The following VPS13D variants were observed in gnomAD, a reference collection of about 807,000 sequenced individuals.
The protein encoded by VPS13D is intermembrane lipid transfer protein VPS13D.
In VPS13D, 187 loss-of-function variants were observed where a neutral mutation model predicts 461.9. The ratio of observed to expected loss-of-function variants is 0.40; its 90% CI spans 0.36 to 0.46. The LOEUF (loss-of-function observed/expected upper bound fraction) is 0.46, where lower values mean the gene tolerates loss of function less well. Among genes scored for constraint, VPS13D ranks in the 20% least tolerant of loss-of-function variants. The pLI, the probability that VPS13D is intolerant of heterozygous loss-of-function variation, is 0.60. For missense variants in VPS13D, 4,711 were observed against 5,364.9 expected, an observed-to-expected ratio of 0.88 and a Z score of 3.81; for synonymous variants, 1,951 against 1,986.3, an observed-to-expected ratio of 0.98 and a Z score of 0.47.
intron 57 of VPS13D, 47 bp from the exon 58 acceptor site, chr1:12,382,929 C>A: frequency 6.4e-7 from 1 of 1,555,756 alleles, no homozygotes; most frequent in South Asian, 1.2e-5. Flanking sequence ...TTGTCAAAGT[C>A]AGTGCCTCTG....
chr1:12,420,090 A>T (rs1370463103), intron 65 of VPS13D, among the ~76,000 whole-genome samples: 1 of 152,222 alleles, frequency 6.6e-6, no homozygotes, highest in East Asian at 1.9e-4. Flanking sequence ...GTTTATAGAG[A>T]TGTAAAAACT....
At chr1:12,255,015 G>C (rs968264599) in intron 7 of VPS13D, among the ~76,000 whole-genome samples, 1 of 151,024 alleles carries the variant, frequency 6.6e-6, no homozygotes, top group African/African-American at 2.4e-5. Context: ...GCACGATCTT[G>C]GCTCACTGCA....
intron 65 of VPS13D, among the ~76,000 whole-genome samples, chr1:12,434,658 G>A (rs530104668): frequency 1.3e-5 from 2 of 151,988 alleles, no homozygotes; most frequent in African/African-American, 2.4e-5. Flanking sequence ...TAAATCTGTG[G>A]TATTTTCTTA....
intron 65 of VPS13D, among the ~76,000 whole-genome samples, chr1:12,449,148 G>A (rs928685214): frequency 2.0e-5 from 3 of 151,102 alleles, no homozygotes; most frequent in Admixed American, 1.3e-4. Context: ...AAAAAAAAAA[G>A]CAAGGTCATT....
chr1:12,261,030 A>G lies in VPS13D; in HGVS notation c.1295A>G (p.Tyr432Cys). Reference sequence around the variant, plus strand: ...GGTGGAGGCAGTGGGATGCTGCAGTATCTCCAGTCCTGGTTTCCTGGATGG... The same window carrying G: ...GGTGGAGGCAGTGGGATGCTGCAGTGTCTCCAGTCCTGGTTTCCTGGATGG... ...EPGGGSGMLQ[Y>C]LQSWFPGWGG... Residue 432 changes from tyrosine to cysteine, a missense_variant, in exon 12 of 70, where the codon TAT becomes TGT. By Grantham distance (194) the Tyr-to-Cys change is radical. Coordinates refer to ENST00000620676, the MANE Select transcript of VPS13D (RefSeq NM_015378.4). 1 of 1,614,080 alleles carries G rather than the reference A, an allele frequency of 6.2e-7. No homozygotes were observed. Among genetic ancestry groups the G allele is most frequent in the Non-Finnish European group, 8.5e-7 (1 of 1,180,012 alleles).
Position 12,308,511 on chromosome 1 carries a change from G to A in VPS13D, c.6520G>A (p.Glu2174Lys). The A allele has an allele frequency of 1.9e-6, 3 of 1,614,124 alleles. No individual in the cohort carries two copies. The highest frequency in any genetic ancestry group is 2.2e-5 in the South Asian group (2 of 91,084). Residue 2174 changes from glutamate (E) to lysine (K), a missense_variant, in exon 27 of 70, where the codon GAA (glutamate) becomes AAA (lysine). Around this residue, in one of 3 missense-constraint regions of VPS13D, gnomAD observed 4,411 missense variants for 4,937.8 expected, o/e 0.89. Transcript: ENST00000620676. ...CTTTGCTGCAGAGAGACATCCGAGA[G>A]AATACTCGAAGGCACCAGAGGATAG... ...DIFAAERHPR[E>K]YSKAPEDSSG...
intron 67 of VPS13D, 38 bp downstream of exon 67, chr1:12,460,434 G>C: frequency 6.6e-7 from 1 of 1,507,676 alleles, no homozygotes; most frequent in Non-Finnish European, 8.9e-7. Flanking sequence ...GCAGTTTCCA[G>C]CCTAGGTCTG....
intron 65 of VPS13D, among the ~76,000 whole-genome samples, chr1:12,436,193 G>A (rs1316435590): frequency 1.3e-5 from 2 of 152,250 alleles, no homozygotes; most frequent in Non-Finnish European, 2.9e-5. Context: ...GTGGGAAAGT[G>A]TTCCAGGTTT....
intron 65 of VPS13D, among the ~76,000 whole-genome samples, chr1:12,433,427 G>A (rs562232089): frequency 8.9e-4 from 136 of 152,266 alleles, no homozygotes; most frequent in African/African-American, 2.7e-3. Flanking sequence ...AGGGAGCCCC[G>A]CCACAGCTGA....
intron 36 of VPS13D, 39 bp from the exon 37 acceptor site, chr1:12,329,790 C>A: frequency 6.3e-7 from 1 of 1,588,180 alleles, no homozygotes; most frequent in South Asian, 1.1e-5. Flanking sequence ...TTTGGTTGCT[C>A]CTGCCCTGCC....
chr1:12,231,632 T>C (rs1185496614), intron 1 of VPS13D, among the ~76,000 whole-genome samples: 1 of 152,182 alleles, frequency 6.6e-6, no homozygotes. Context: ...TCAAATTTGT[T>C]TGGAGTCCCC....
At chr1:12,298,452 C>T (rs1642334615) in intron 24 of VPS13D, among the ~76,000 whole-genome samples, 2 of 152,014 alleles carry the variant, frequency 1.3e-5, no homozygotes, top group South Asian at 4.1e-4. Context: ...CCAGTCTGGC[C>T]AACATGGTGA....
rs3831905 is a variant in VPS13D, at chr1:12,510,525, CTGTGTGTGTGTGTGTG to C, written c.*1516_*1531del. On this transcript the variant is annotated 3_prime_UTR_variant, in exon 70 of 70. Coordinates refer to ENST00000620676, the MANE Select transcript of VPS13D (RefSeq NM_015378.4). ...TCCCACTTCCCCTCTGTGTCTGTGTCTGTGTGTGTGTGTGTGTGTGTGTGTGTGTGCGCGCGCGCGC... is the reference window on the plus strand; with the variant it reads ...TCCCACTTCCCCTCTGTGTCTGTGTCTGTGTGTGTGTGTGCGCGCGCGCGC... 3.4e-5 allele frequency: 5 copies of C among 146,118 alleles called. No homozygotes were observed. The highest frequency in any genetic ancestry group is 6.0e-5 in the Non-Finnish European group (4 of 66,550). 9.1% of individuals were successfully genotyped at this position (146,118 alleles called of 1,614,324 possible). A position where few individuals can be genotyped will look rare whatever the true frequency, so the allele number is the denominator to read the frequency against.
intron 67 of VPS13D, among the ~76,000 whole-genome samples, chr1:12,490,110 CCT>C: frequency 6.6e-6 from 1 of 152,294 alleles, no homozygotes; most frequent in East Asian, 1.9e-4. Context: ...CTAGTGCTGG[CCT>C]CTGCATATGA....
intron 41 of VPS13D, 82 bp downstream of exon 41, chr1:12,341,967 C>T: frequency 7.9e-7 from 1 of 1,270,328 alleles, no homozygotes; most frequent in South Asian, 1.3e-5. Flanking sequence ...AAGGTGGGCC[C>T]CCTCTTGAGG....
chr1:12,365,861 A>G (rs1644028203), intron 52 of VPS13D, among the ~76,000 whole-genome samples: 1 of 152,166 alleles, frequency 6.6e-6, no homozygotes. Context: ...AAGTATGATA[A>G]TTTAACAATA....
chr1:12,493,812 G>C (rs537821367), intron 67 of VPS13D, among the ~76,000 whole-genome samples: 4 of 152,318 alleles, frequency 2.6e-5, no homozygotes, highest in African/African-American at 9.6e-5. Context: ...AACTAAATTT[G>C]TTCATATGCA....
At position 12,304,390 on chromosome 1, in the gene VPS13D, C is replaced by G. The variant is rs370862958; in HGVS notation, c.6217-116C>G. On this transcript the variant is annotated intron_variant, in intron 25 of 69. Transcript: ENST00000620676. ...GAGGGAAGTATAAGTATTATAGAGT[C>G]TTTGAAGACCCTAGGGACTGGGATA... The G allele has an allele frequency of 6.9e-5, 63 of 907,918 alleles. 3 individuals carry two copies. In the Admixed American group the frequency reaches 8.3e-4, roughly 12 times the overall value. 56.2% of individuals were successfully genotyped at this position (907,918 alleles called of 1,614,324 possible). A position where few individuals can be genotyped will look rare whatever the true frequency, so the allele number is the denominator to read the frequency against.
At chr1:12,309,212 CTTTTTTTTTTTT>C (rs201262655) in intron 27 of VPS13D, among the ~76,000 whole-genome samples, 2 of 131,052 alleles carry the variant, frequency 1.5e-5, no homozygotes, top group Admixed American at 7.6e-5. Flanking sequence ...TCTTTTTTTT[CTTTTTTTTTTTT>C]TTTTTGAGAT....
Sources: gnomAD v4.1 joint callset for allele counts (sites outside exome capture counted in the v4.1 genomes callset) on GRCh38, gnomAD v4.1.1 for gene constraint, gnomAD v4.1.1 regional missense constraint, MANE v1.5 for transcripts, NCBI Gene and HGNC (gene_info 2026-07-23, HGNC 2026-07-21) for gene names.